Variants in C12orf56 observed in about 807,000 individuals in gnomAD.
C12orf56 encodes the protein uncharacterized protein C12orf56.
A neutral mutation model predicts 69.9 loss-of-function variants in C12orf56; 71 were observed. The ratio of observed to expected loss-of-function variants is 1.02; its 90% CI spans 0.84 to 1.24. The LOEUF is 1.24. C12orf56 is among the 50% of genes most tolerant of loss of function. C12orf56 has a pLI of 0.00. For synonymous variants in C12orf56, 276 were observed against 274.1 expected (o/e 1.01, Z -0.07); for missense variants, 732 against 738.5 (o/e 0.99, Z 0.10).
intron 1 of C12orf56, among the ~76,000 whole-genome samples, chr12:64,379,584 C>T (rs1170369307): frequency 6.6e-6 from 1 of 151,674 alleles, no homozygotes; most frequent in Non-Finnish European, 1.5e-5. Context: ...CCGCGCCCAG[C>T]CTGAATGCAA....
intron 1 of C12orf56, among the ~76,000 whole-genome samples, chr12:64,376,265 T>C (rs1266288216): frequency 1.3e-5 from 2 of 152,178 alleles, no homozygotes; most frequent in African/African-American, 4.8e-5. Flanking sequence ...TGACAACTTT[T>C]GGCAGGGAAA....
chr12:64,338,296 A>G (rs762820958), intron 2 of C12orf56: 6 of 509,210 alleles, frequency 1.2e-5, no homozygotes, highest in Non-Finnish European at 2.3e-5. Context: ...TACAATCCCC[A>G]TTATATATCT....
At chr12:64,353,185 T>C (rs1203793067) in intron 1 of C12orf56, 129 bp from the exon 2 acceptor site, 4 of 855,184 alleles carry the variant, frequency 4.7e-6, no homozygotes, top group African/African-American at 1.7e-5. Flanking sequence ...CAAAACGGAG[T>C]CTCACCCTGA....
chr12:64,368,387 C>A (rs1363037673), intron 1 of C12orf56, among the ~76,000 whole-genome samples: 1 of 152,084 alleles, frequency 6.6e-6, no homozygotes, highest in Non-Finnish European at 1.5e-5. Context: ...TGGCAAATTT[C>A]TTCATTTCTC....
intron 1 of C12orf56, among the ~76,000 whole-genome samples, chr12:64,384,987 G>A (rs2039769356): frequency 6.6e-6 from 1 of 151,260 alleles, no homozygotes; most frequent in African/African-American, 2.4e-5. Flanking sequence ...TCAGGAGGTG[G>A]AAGTTGCAGT....
intron 1 of C12orf56, among the ~76,000 whole-genome samples, chr12:64,356,193 A>C (rs1210855288): frequency 2.0e-5 from 3 of 151,896 alleles, no homozygotes; most frequent in East Asian, 1.9e-4. Context: ...AAAAAAAAAA[A>C]AAAAAACCAT....
At chr12:64,294,676 A>C (rs1184008589) in intron 6 of C12orf56, among the ~76,000 whole-genome samples, 1 of 150,944 alleles carries the variant, frequency 6.6e-6, no homozygotes, top group Non-Finnish European at 1.5e-5. Flanking sequence ...TGTGGGTTGC[A>C]GGGGTGGGAT....
intron 1 of C12orf56, among the ~76,000 whole-genome samples, chr12:64,355,066 A>G (rs2039290826): frequency 7.8e-6 from 1 of 128,786 alleles, no homozygotes; most frequent in South Asian, 2.7e-4. Flanking sequence ...GAACAAAGTG[A>G]GACTCCGTCT....
intron 8 of C12orf56, 25 bp downstream of exon 8, chr12:64,284,639 C>G: frequency 6.4e-7 from 1 of 1,558,652 alleles, no homozygotes; most frequent in African/African-American, 1.4e-5. Context: ...ACTACAAGGT[C>G]CCAATGTCTT....
intron 6 of C12orf56, among the ~76,000 whole-genome samples, chr12:64,299,026 T>G (rs1565744196): frequency 1.3e-5 from 2 of 152,220 alleles, no homozygotes; most frequent in South Asian, 4.1e-4. Context: ...CATGAAATGT[T>G]TTTCCATTTG....
At chr12:64,353,380 A>G (rs2039261070) in intron 1 of C12orf56, among the ~76,000 whole-genome samples, 1 of 152,020 alleles carries the variant, frequency 6.6e-6, no homozygotes, top group African/African-American at 2.4e-5. Context: ...CTGGTCTCGA[A>G]TTCCTGACCT....
chr12:64,386,784 G>C (rs982394431), intron 1 of C12orf56, among the ~76,000 whole-genome samples: 3 of 151,810 alleles, frequency 2.0e-5, no homozygotes, highest in Non-Finnish European at 4.4e-5. Context: ...GCCCGCCTGG[G>C]CCTCTCAAAG....
intron 9 of C12orf56, among the ~76,000 whole-genome samples, chr12:64,277,009 A>AAAAAAAAAAAAAAAAC (rs1483582212): frequency 6.7e-6 from 1 of 149,596 alleles, no homozygotes; most frequent in Non-Finnish European, 1.5e-5. Context: ...AAAAAAAAAA[A>AAAAAAAAAAAAAAAAC]AAAAAAATTA....
At chr12:64,281,679 TGAGAA>T (rs2038131068) in intron 8 of C12orf56, among the ~76,000 whole-genome samples, 1 of 152,190 alleles carries the variant, frequency 6.6e-6, no homozygotes, top group Non-Finnish European at 1.5e-5. Flanking sequence ...AAAAACTGGC[TGAGAA>T]AAGTTAATAT....
At chr12:64,356,199 AC>A (rs771761133) in intron 1 of C12orf56, among the ~76,000 whole-genome samples, 14 of 146,900 alleles carry the variant, frequency 9.5e-5, no homozygotes, top group South Asian at 2.2e-4. Flanking sequence ...AAAAAAAAAA[AC>A]CATACATTTA....
At chr12:64,336,012 T>TGGTC (rs2136874295) in intron 2 of C12orf56, among the ~76,000 whole-genome samples, 1 of 152,308 alleles carries the variant, frequency 6.6e-6, no homozygotes, top group African/African-American at 2.4e-5. Context: ...GCAATGACTA[T>TGGTC]TATCAAATAG....
intron 3 of C12orf56, among the ~76,000 whole-genome samples, chr12:64,319,747 A>AT (rs2038745988): frequency 6.6e-6 from 1 of 152,156 alleles, no homozygotes; most frequent in South Asian, 2.1e-4. Flanking sequence ...TTAGGCAAAA[A>AT]CAGGAGGTAA....
chr12:64,370,835 A>G (rs2039560591), intron 1 of C12orf56, among the ~76,000 whole-genome samples: 3 of 152,128 alleles, frequency 2.0e-5, no homozygotes, highest in Admixed American at 1.3e-4. Context: ...AAACAGACAT[A>G]TAGACCATTG....
In C12orf56 at chr12:64,266,691, G is replaced by T; in HGVS notation, c.*492C>A. The T allele has an allele frequency of 1.5e-6, 1 of 666,510 alleles. No individual in the cohort carries two copies. Among genetic ancestry groups the T allele is most frequent in the Non-Finnish European group, 2.2e-6 (1 of 456,442 alleles). 41.3% of individuals were successfully genotyped at this position (666,510 alleles called of 1,614,324 possible). On this transcript the variant is annotated 3_prime_UTR_variant, in exon 13 of 13. Transcript: ENST00000543942. ...GTTTCACCGAGAACACTGTGCCCAAGCTGAGAAGATAAAACACCTTGAGAA... is the reference window on the plus strand; with the variant it reads ...GTTTCACCGAGAACACTGTGCCCAATCTGAGAAGATAAAACACCTTGAGAA...
Sources: gnomAD v4.1 joint callset for allele counts (sites outside exome capture counted in the v4.1 genomes callset) on GRCh38, gnomAD v4.1.1 for gene constraint, MANE v1.5 for transcripts, NCBI Gene and HGNC (gene_info 2026-07-23, HGNC 2026-07-21) for gene names.